UBE3C: variants seen among roughly 807,000 people sequenced by gnomAD.
UBE3C encodes ubiquitin protein ligase E3C.
Under a neutral mutation model 129.4 loss-of-function variants are expected in UBE3C, and 42 were observed. That is an observed-to-expected ratio of 0.32 (90% CI 0.25 to 0.42). The LOEUF is 0.42. Among genes scored for constraint, UBE3C ranks in the 10% least tolerant of loss-of-function variants. The pLI, the probability that UBE3C is intolerant of heterozygous loss-of-function variation, is 1.00. For synonymous variants in UBE3C, 510 were observed against 492.4 expected (o/e 1.04, Z -0.47); for missense variants, 1,049 against 1,319.1 (o/e 0.80, Z 3.17).
intron 13 of UBE3C, 119 bp downstream of exon 13, chr7:157,208,054 ACTTTT>A (rs1809486532): frequency 8.7e-6 from 1 of 114,766 alleles, no homozygotes; most frequent in Non-Finnish European, 1.8e-5. Flanking sequence ...AATTTGCAAG[ACTTTT>A]TTTTTTTTTT....
intron 17 of UBE3C, among the ~76,000 whole-genome samples, chr7:157,227,296 G>C (rs3757830): frequency 6.6e-6 from 1 of 152,160 alleles, no homozygotes; most frequent in Non-Finnish European, 1.5e-5. Context: ...GGGGAGCTCC[G>C]AGGGCACGGG....
At position 157,223,365 on chromosome 7, in the gene UBE3C, C is replaced by A; in HGVS notation, c.2100+14C>A. 6.2e-7 allele frequency: 1 copy of A among 1,603,042 alleles called. No individual in the cohort carries two copies. Among genetic ancestry groups the A allele is most frequent in the South Asian group, 1.1e-5 (1 of 89,384 alleles). ...GAACGAGTAAAGGTATGCAATTTGG[C>A]TTCTTTATTGTCACTACGTATCATA... On this transcript the variant is annotated intron_variant, in intron 16 of 22. Coordinates refer to ENST00000348165, the MANE Select transcript of UBE3C (RefSeq NM_014671.3).
At chr7:157,248,345 G>A (rs758131910) in intron 18 of UBE3C, 23 bp from the exon 19 acceptor site, 46 of 1,604,192 alleles carry the variant, frequency 2.9e-5, no homozygotes, top group Middle Eastern at 1.9e-4. Context: ...CGATGCTAAC[G>A]TTGTCACTGT....
intron 13 of UBE3C, among the ~76,000 whole-genome samples, chr7:157,209,666 GATA>G (rs1348276119): frequency 5.3e-5 from 8 of 152,180 alleles, no homozygotes; most frequent in Non-Finnish European, 4.4e-5. Flanking sequence ...TATGATATCA[GATA>G]ATTTCACTGT....
intron 1 of UBE3C, among the ~76,000 whole-genome samples, chr7:157,145,363 C>CA (rs1263388472): frequency 6.6e-6 from 1 of 151,932 alleles, no homozygotes; most frequent in African/African-American, 2.4e-5. Flanking sequence ...ACTAAAAATA[C>CA]AAAAATTAGC....
chr7:157,208,000 C>A, intron 13 of UBE3C, 65 bp downstream of exon 13: 2 of 933,988 alleles, frequency 2.1e-6, no homozygotes, highest in Non-Finnish European at 2.7e-6. Flanking sequence ...TGTCTTGACT[C>A]GTTGCAGAGG....
chr7:157,261,306 G>GAAAAAAA (rs57114090), intron 22 of UBE3C, among the ~76,000 whole-genome samples: 1 of 78,022 alleles, frequency 1.3e-5, no homozygotes, highest in Non-Finnish European at 2.3e-5. Context: ...AACTCTGTCT[G>GAAAAAAA]AAAAAAAAAA....
At chr7:157,211,191 A>AGAGAGAGAGAGAGAGAGAGAGCGC (rs1481725592) in intron 13 of UBE3C, among the ~76,000 whole-genome samples, 20 of 151,696 alleles carry the variant, frequency 1.3e-4, no homozygotes, top group African/African-American at 4.6e-4. Flanking sequence ...AGAGAGAGAG[A>AGAGAGAGAGAGAGAGAGAGAGCGC]GAGCCATACT....
intron 17 of UBE3C, among the ~76,000 whole-genome samples, chr7:157,226,816 T>C (rs1795892012): frequency 6.6e-6 from 1 of 151,686 alleles, no homozygotes. Flanking sequence ...TAAACTTAGG[T>C]CTGCATGCAG....
intron 1 of UBE3C, among the ~76,000 whole-genome samples, chr7:157,144,377 G>A (rs1274075057): frequency 6.6e-6 from 1 of 152,070 alleles, no homozygotes; most frequent in East Asian, 1.9e-4. Context: ...AGGGAAATTC[G>A]GTGTCTCGGA....
intron 10 of UBE3C, among the ~76,000 whole-genome samples, chr7:157,200,926 T>C (rs1377701325): frequency 6.6e-6 from 1 of 152,168 alleles, no homozygotes. Context: ...TAAAAATCTT[T>C]AAGATACATT....
At chr7:157,157,178 A>T (rs1400622832) in intron 1 of UBE3C, among the ~76,000 whole-genome samples, 1 of 152,208 alleles carries the variant, frequency 6.6e-6, no homozygotes. Context: ...ACAATGAATT[A>T]AAAAATTCAA....
intron 1 of UBE3C, among the ~76,000 whole-genome samples, chr7:157,160,231 C>T (rs372487419): frequency 2.2e-4 from 33 of 152,126 alleles, no homozygotes; most frequent in African/African-American, 7.5e-4. Flanking sequence ...CGCGCCACCA[C>T]GCCCAGCTGA....
intron 19 of UBE3C, among the ~76,000 whole-genome samples, chr7:157,251,552 C>T (rs896569876): frequency 2.6e-5 from 4 of 152,028 alleles, no homozygotes; most frequent in South Asian, 2.1e-4. Context: ...GTGTGAGTGC[C>T]GGAGGATGAA....
At chr7:157,167,964 A>G (rs1808263418) in intron 2 of UBE3C, among the ~76,000 whole-genome samples, 1 of 152,230 alleles carries the variant, frequency 6.6e-6, no homozygotes, top group East Asian at 1.9e-4. Context: ...TCTCAAGTCA[A>G]TGAAAATTGG....
At chr7:157,247,971 G>A (rs1032029008) in intron 18 of UBE3C, among the ~76,000 whole-genome samples, 4 of 152,204 alleles carry the variant, frequency 2.6e-5, no homozygotes, top group African/African-American at 9.7e-5. Flanking sequence ...GTGAGTTCAT[G>A]TGGTTTTCAG....
intron 11 of UBE3C, among the ~76,000 whole-genome samples, chr7:157,203,859 A>C (rs1050699351): frequency 6.6e-6 from 1 of 152,180 alleles, no homozygotes; most frequent in African/African-American, 2.4e-5. Flanking sequence ...GTAAGTTGAA[A>C]ATATCATAAG....
chr7:157,192,563 T>C, intron 10 of UBE3C: 4 of 765,542 alleles, frequency 5.2e-6, no homozygotes, highest in East Asian at 4.9e-5. Flanking sequence ...AGGAGCTTAC[T>C]CTTCATCTTG....
chr7:157,239,068 A>G (rs1379030190), intron 18 of UBE3C, among the ~76,000 whole-genome samples: 1 of 152,220 alleles, frequency 6.6e-6, no homozygotes, highest in African/African-American at 2.4e-5. Flanking sequence ...TGTCAGGATT[A>G]TCTTCCTAAA....
Sources: gnomAD v4.1 joint callset for allele counts (sites outside exome capture counted in the v4.1 genomes callset) on GRCh38, gnomAD v4.1.1 for gene constraint, MANE v1.5 for transcripts, NCBI Gene and HGNC (gene_info 2026-07-23, HGNC 2026-07-21) for gene names.